PWP1: variants seen among roughly 807,000 people sequenced by gnomAD.
PWP1 encodes PWP1 homolog, endonuclein.
A neutral mutation model predicts 69.9 loss-of-function variants in PWP1; 47 were observed. The ratio of observed to expected loss-of-function variants is 0.67; its 90% CI spans 0.53 to 0.86. The LOEUF (loss-of-function observed/expected upper bound fraction) is 0.86. Ranked by LOEUF, PWP1 falls within the 40% of genes least tolerant of loss-of-function variation. The pLI is 0.00. For missense variants in PWP1, 551 were observed against 608.8 expected (o/e 0.91, Z 1.00); for synonymous variants, 222 against 208.2 (o/e 1.07, Z -0.57).
chr12:107,686,205 C>G, intron 1 of PWP1: 1 of 583,002 alleles, frequency 1.7e-6, no homozygotes, highest in East Asian at 2.8e-5. Flanking sequence ...TCAAGCCCAA[C>G]CCCACTCCCA....
intron 3 of PWP1, among the ~76,000 whole-genome samples, chr12:107,691,634 G>C (rs1300802216): frequency 6.6e-6 from 1 of 152,050 alleles, no homozygotes; most frequent in Non-Finnish European, 1.5e-5. Flanking sequence ...CATCCTAGTG[G>C]ATGAACTCTC....
At chr12:107,693,852 G>T (rs931556750) in intron 5 of PWP1, among the ~76,000 whole-genome samples, 3 of 152,022 alleles carry the variant, frequency 2.0e-5, no homozygotes, top group Non-Finnish European at 4.4e-5. Context: ...GGATAGACAG[G>T]TTTTTCTCAT....
In PWP1 at chr12:107,709,321, G is replaced by T. The variant is rs1039894428; in HGVS notation, c.1290+89G>T. On this transcript the variant is annotated intron_variant, in intron 13 of 14. Coordinates refer to ENST00000412830, the MANE Select transcript of PWP1 (RefSeq NM_007062.3). ...ACTTGTGTTGCGTGTTTTTCTGTTG[G>T]AACTATTGCATTAACAAATATGGAT... 2.0e-6 allele frequency: 3 copies of T among 1,477,770 alleles called. No individual in the cohort carries two copies. The Admixed American group carries it at 5.9e-5, about 29-fold the overall frequency. The allele number at this position is 1,477,770 out of a possible 1,614,324, so 91.5% of individuals were successfully genotyped here. A position where few individuals can be genotyped will look rare whatever the true frequency, so the allele number is the denominator to read the frequency against.
intron 13 of PWP1, among the ~76,000 whole-genome samples, chr12:107,709,785 G>C (rs1047012458): frequency 6.6e-6 from 1 of 151,922 alleles, no homozygotes; most frequent in African/African-American, 2.4e-5. Context: ...TGAAAATTGT[G>C]TATGAATAAA....
At chr12:107,708,179 G>T (rs555848117) in intron 11 of PWP1, among the ~76,000 whole-genome samples, 2 of 152,290 alleles carry the variant, frequency 1.3e-5, no homozygotes, top group African/African-American at 4.8e-5. Context: ...CTAACAAATG[G>T]TCATATATAT....
chr12:107,697,707 T>C (rs1566079241), intron 7 of PWP1, 110 bp downstream of exon 7: 1 of 1,068,258 alleles, frequency 9.4e-7, no homozygotes, highest in East Asian at 2.5e-5. Flanking sequence ...CTTGGTGAGA[T>C]GGGGTAGGTA....
chr12:107,686,367 C>G (rs1211337505), intron 1 of PWP1, among the ~76,000 whole-genome samples: 1 of 152,192 alleles, frequency 6.6e-6, no homozygotes, highest in Non-Finnish European at 1.5e-5. Context: ...ATGAAAACTC[C>G]ACTTTCCACT....
chr12:107,711,200 G>T (rs6539358), intron 14 of PWP1, among the ~76,000 whole-genome samples: 28,053 of 152,190 alleles, frequency 0.18, 3,631 homozygotes, highest in East Asian at 0.52. Flanking sequence ...GCAGGAACAT[G>T]CCCTTAAGAC....
chr12:107,698,869 A>C (rs1178496290), intron 7 of PWP1, among the ~76,000 whole-genome samples: 1 of 152,236 alleles, frequency 6.6e-6, no homozygotes, highest in African/African-American at 2.4e-5. Context: ...CTGGGATTAC[A>C]GTGTGGGCCG....
chr12:107,702,575 G>A (rs1262222503), intron 8 of PWP1, among the ~76,000 whole-genome samples: 1 of 151,966 alleles, frequency 6.6e-6, no homozygotes, highest in African/African-American at 2.4e-5. Flanking sequence ...CACTGTGCCT[G>A]GCTGTGAATC....
At chr12:107,711,107 G>A (rs903730088) in intron 14 of PWP1, among the ~76,000 whole-genome samples, 4 of 152,108 alleles carry the variant, frequency 2.6e-5, no homozygotes, top group Admixed American at 6.6e-5. Flanking sequence ...TGTTTCTATA[G>A]GTATTAAATT....
At chr12:107,689,218 C>A (rs1264643659) in intron 3 of PWP1, among the ~76,000 whole-genome samples, 2 of 152,192 alleles carry the variant, frequency 1.3e-5, no homozygotes, top group African/African-American at 2.4e-5. Context: ...CAGTCAACTG[C>A]AGTCTGAAAA....
chr12:107,706,915 AGTT>A (rs1280885020), intron 11 of PWP1, among the ~76,000 whole-genome samples: 1 of 152,168 alleles, frequency 6.6e-6, no homozygotes, highest in Non-Finnish European at 1.5e-5. Context: ...ACTTTAAAGT[AGTT>A]GTTTCCAATT....
chr12:107,697,412 G>T, intron 6 of PWP1, 55 bp from the exon 7 acceptor site: 1 of 1,505,726 alleles, frequency 6.6e-7, no homozygotes. Context: ...TATTTGATTA[G>T]AAGTTCTGTA....
Position 107,712,179 on chromosome 12 carries a change from C to T in PWP1, c.1465C>T (p.Pro489Ser), listed in dbSNP as rs1321125453. 1 of 1,613,898 alleles carries T rather than the reference C, an allele frequency of 6.2e-7. No homozygotes were observed. Among genetic ancestry groups the T allele is most frequent in the Non-Finnish European group, 8.5e-7 (1 of 1,179,912 alleles). Reference protein sequence around the residue: ...GSARNSSISGPFGSRSSDTPM... With the variant: ...GSARNSSISGSFGSRSSDTPM... ...TGCAAGAAATTCATCTATTAGTGGC[C>T]CTTTTGGCAGCAGGAGCTCAGATAC... The change falls in exon 15 of 15, where the codon CCT becomes TCT. Residue 489 changes from proline (P) to serine (S), a missense_variant. Transcript: ENST00000412830.
chr12:107,712,119 G>C lies in PWP1; in HGVS notation c.1405G>C (p.Ala469Pro). ...GTTTATTTGTATTTTAGTAAATGAAGCATTTGGAAGACGAGAGAGGCTTGT... is the reference window on the plus strand; with the variant it reads ...GTTTATTTGTATTTTAGTAAATGAACCATTTGGAAGACGAGAGAGGCTTGT... ...DISTVSSVNE[A>P]FGRRERLVLG... Residue 469 changes from alanine to proline, a missense_variant, in exon 15 of 15, where the codon GCA becomes CCA. By Grantham distance (27) the Ala-to-Pro change is conservative. Transcript: ENST00000412830. The C allele has an allele frequency of 6.2e-7, 1 of 1,613,370 alleles. No individual in the cohort carries two copies. Among genetic ancestry groups the C allele is most frequent in the Non-Finnish European group, 8.5e-7 (1 of 1,179,430 alleles).
At chr12:107,697,154 C>T (rs961606493) in intron 6 of PWP1, among the ~76,000 whole-genome samples, 4 of 152,136 alleles carry the variant, frequency 2.6e-5, no homozygotes, top group East Asian at 1.9e-4. Context: ...TGAAGGAGGA[C>T]GGGAGGAGGG....
intron 5 of PWP1, 60 bp from the exon 6 acceptor site, chr12:107,696,414 G>C: frequency 6.3e-7 from 1 of 1,585,764 alleles, no homozygotes; most frequent in Non-Finnish European, 8.6e-7. Flanking sequence ...TTTTTGAGCG[G>C]GATGTGATTT....
At position 107,688,282 on chromosome 12, in the gene PWP1, T is replaced by C. The variant is rs540122716; in HGVS notation, c.73-166T>C. Among the ~76,000 whole-genome samples, 3 of 143,790 alleles carry C rather than the reference T, an allele frequency of 2.1e-5. No homozygotes were observed. The East Asian group carries it at 8.4e-4, about 40-fold the overall frequency. 94.3% of individuals were successfully genotyped at this position (143,790 alleles called of 152,430 possible). On this transcript the variant is annotated intron_variant, in intron 1 of 14. Coordinates refer to ENST00000412830, the MANE Select transcript of PWP1 (RefSeq NM_007062.3). ...GCGAGAGATCTTATTTGTAAGAATCTATAAAATCTATATTTTTTAATATAG... is the reference window on the plus strand; with the variant it reads ...GCGAGAGATCTTATTTGTAAGAATCCATAAAATCTATATTTTTTAATATAG...
Sources: allele counts gnomAD v4.1 joint callset (sites outside exome capture counted in the v4.1 genomes callset), GRCh38; gene constraint gnomAD v4.1.1; transcripts MANE v1.5; gene names NCBI Gene and HGNC (gene_info 2026-07-23, HGNC 2026-07-21).